Variants in NCOR2 observed in about 807,000 individuals in gnomAD.
NCOR2 encodes CTG repeat protein 26.
Under a neutral mutation model 262.9 loss-of-function variants are expected in NCOR2, and 81 were observed. The ratio of observed to expected loss-of-function variants is 0.31; its 90% CI spans 0.26 to 0.37. NCOR2 has a LOEUF of 0.37. Among genes scored for constraint, NCOR2 ranks in the 10% least tolerant of loss-of-function variants. The probability of loss-of-function intolerance (pLI) is 1.00; values close to 1 mark genes in which losing one functional copy is unlikely to be tolerated. For missense variants in NCOR2, 3,385 were observed against 3,621.4 expected, an observed-to-expected ratio of 0.93 and a Z score of 1.68; for synonymous variants, 1,659 against 1,559.3, an observed-to-expected ratio of 1.06 and a Z score of -1.51.
At chr12:124,421,721 C>T (rs570322956) in intron 12 of NCOR2, among the ~76,000 whole-genome samples, 90 of 152,344 alleles carry the variant, frequency 5.9e-4, no homozygotes, top group Non-Finnish European at 9.4e-4. Context: ...CGGACGGCAG[C>T]CTTTCTCCTC....
intron 1 of NCOR2, among the ~76,000 whole-genome samples, chr12:124,506,876 G>A (rs541009299): frequency 6.6e-6 from 1 of 152,334 alleles, no homozygotes; most frequent in African/African-American, 2.4e-5. Flanking sequence ...AGAGAGGGAG[G>A]CCATGCCAGA....
At chr12:124,333,830 GCGGGTGCGCC>G (rs2035493329) in intron 41 of NCOR2, among the ~76,000 whole-genome samples, 1 of 151,060 alleles carries the variant, frequency 6.6e-6, no homozygotes. Context: ...ACAGGGGTGT[GCGGGTGCGCC>G]TGTGTGCGGG....
exon 47 of NCOR2, chr12:124,325,523 G>C: frequency 7.4e-7 from 1 of 1,358,526 alleles, no homozygotes; most frequent in Non-Finnish European, 9.5e-7. Context: ...TGGGGGTGGG[G>C]AAGCCATGAC....
intron 13 of NCOR2, among the ~76,000 whole-genome samples, chr12:124,412,073 C>T (rs781540493): frequency 2.0e-5 from 3 of 152,266 alleles, no homozygotes; most frequent in Non-Finnish European, 2.9e-5. Context: ...TCCCTCGCCT[C>T]CAGCCGGCCA....
intron 1 of NCOR2, among the ~76,000 whole-genome samples, chr12:124,512,427 GTCTCT>G (rs1463055662): frequency 6.6e-6 from 1 of 152,132 alleles, no homozygotes; most frequent in African/African-American, 2.4e-5. Flanking sequence ...CTCCTCTTCT[GTCTCT>G]TCTAAGGACA....
intron 10 of NCOR2, among the ~76,000 whole-genome samples, chr12:124,428,195 G>A (rs1477817677): frequency 6.6e-6 from 1 of 152,130 alleles, no homozygotes; most frequent in Non-Finnish European, 1.5e-5. Context: ...CCCACAGCCA[G>A]CCTCTCTGCG....
Position 124,389,971 on chromosome 12 carries a change from T to C in NCOR2, c.1877-4084A>G, listed in dbSNP as rs927847951. 1.3e-5 allele frequency among the ~76,000 whole-genome samples: 2 copies of C among 152,140 alleles called. No homozygotes were observed. Among genetic ancestry groups the C allele is most frequent in the Admixed American group, 6.5e-5 (1 of 15,278 alleles). ...ACCGACTTCCCTGACTCTGGGATCATTAACCTGCTTTTCCCTTTAACTCCC... is the reference window on the plus strand; with the variant it reads ...ACCGACTTCCCTGACTCTGGGATCACTAACCTGCTTTTCCCTTTAACTCCC... On this transcript the variant is annotated intron_variant, in intron 16 of 46. Coordinates refer to ENST00000405201, the Ensembl canonical transcript of NCOR2. The surrounding 1 kb of genome is among the most constrained non-coding windows in gnomAD (Gnocchi z 4.4).
intron 6 of NCOR2, among the ~76,000 whole-genome samples, chr12:124,456,123 G>A (rs893398021): frequency 5.9e-5 from 9 of 152,242 alleles, no homozygotes; most frequent in Admixed American, 1.3e-4. Flanking sequence ...CAATCCTCCT[G>A]CCTTGGCCTC....
Position 124,416,258 on chromosome 12 carries a change from A to G in NCOR2, c.1482+3699T>C, listed in dbSNP as rs80051040. On this transcript the variant is annotated intron_variant, in intron 13 of 46. Coordinates refer to ENST00000405201, the Ensembl canonical transcript of NCOR2. ...AAACATCTCTATTTACCCATCAAAA[A>G]TGAGCAAAAGAAAGAGGGTCACATA... is the stretch of plus-strand genomic sequence containing the variant. 4.5e-3 allele frequency among the ~76,000 whole-genome samples: 689 copies of G among 152,304 alleles called. 16 individuals are homozygous for G. In the East Asian group the frequency reaches 0.071, roughly 16 times the overall value.
chr12:124,358,187 CTGTGA>C (rs1052345044), intron 22 of NCOR2, among the ~76,000 whole-genome samples: 9 of 141,434 alleles, frequency 6.4e-5, no homozygotes, highest in Admixed American at 5.7e-4. Context: ...AGGAGATAAC[CTGTGA>C]TGTGTGTGCG....
chr12:124,450,851 T>C (rs1429475792), intron 6 of NCOR2, among the ~76,000 whole-genome samples: 1 of 152,226 alleles, frequency 6.6e-6, no homozygotes, highest in East Asian at 1.9e-4. Flanking sequence ...CATCTGTGCC[T>C]CCATTTCTCC....
At chr12:124,436,061 C>A (rs1313836867) in intron 8 of NCOR2, among the ~76,000 whole-genome samples, 2 of 152,252 alleles carry the variant, frequency 1.3e-5, no homozygotes, top group East Asian at 1.9e-4. Context: ...CCTGTCCCTG[C>A]AGCCTGCAGG....
At chr12:124,393,484 C>T (rs982238571) in intron 16 of NCOR2, among the ~76,000 whole-genome samples, 1 of 152,224 alleles carries the variant, frequency 6.6e-6, no homozygotes, top group African/African-American at 2.4e-5. Flanking sequence ...ACACTCCATC[C>T]CATGCTGGCA....
intron 4 of NCOR2, among the ~76,000 whole-genome samples, chr12:124,469,419 C>T (rs183147500): frequency 7.9e-4 from 120 of 152,272 alleles, no homozygotes; most frequent in African/African-American, 2.8e-3. Context: ...CAAAATGCTC[C>T]CCCAAAGCAC....
intron 13 of NCOR2, among the ~76,000 whole-genome samples, chr12:124,415,535 C>T (rs747936315): frequency 5.3e-5 from 8 of 152,240 alleles, no homozygotes; most frequent in Non-Finnish European, 7.3e-5. Context: ...GCCCAGGCCA[C>T]GCCACCACCT....
exon 2 of NCOR2, chr12:124,486,509 G>A (rs773714850): frequency 7.3e-5 from 118 of 1,607,496 alleles, no homozygotes; most frequent in Non-Finnish European, 9.3e-5. Flanking sequence ...TGATGGAGCC[G>A]GGCGACAGGT....
chr12:124,403,488 G>A (rs1593388159), intron 13 of NCOR2, among the ~76,000 whole-genome samples: 1 of 151,504 alleles, frequency 6.6e-6, no homozygotes, highest in African/African-American at 2.4e-5. Context: ...CTGTCATCCC[G>A]CCTGATTTCT....
chr12:124,436,840 C>G (rs531905503), intron 8 of NCOR2, among the ~76,000 whole-genome samples: 65 of 152,314 alleles, frequency 4.3e-4, no homozygotes, highest in African/African-American at 1.5e-3. Context: ...GTGATCCCAG[C>G]GCTTTGGGAG....
chr12:124,542,678 G>C (rs1315858725), intron 1 of NCOR2: 6 of 152,402 alleles, frequency 3.9e-5, no homozygotes, highest in Non-Finnish European at 8.8e-5. Context: ...TGGAGTTTGG[G>C]GACTTCCAGC....
Sources: allele counts gnomAD v4.1 joint callset (sites outside exome capture counted in the v4.1 genomes callset), GRCh38; gene constraint gnomAD v4.1.1; non-coding constraint Gnocchi (gnomAD v3.1); transcripts MANE v1.5; gene names NCBI Gene and HGNC (gene_info 2026-07-23, HGNC 2026-07-21).